NEXMIF: variants seen among roughly 807,000 people sequenced by gnomAD.
NEXMIF encodes the protein neurite extension and migration factor.
Under a neutral mutation model 62.1 loss-of-function variants are expected in NEXMIF, and 8 were observed. That is an observed-to-expected ratio of 0.13 (90% confidence interval 0.08 to 0.23). The LOEUF (loss-of-function observed/expected upper bound fraction) is 0.23. NEXMIF is among the 10% of genes least tolerant of loss of function. NEXMIF has a pLI of 1.00. For missense variants in NEXMIF, 976 were observed against 1,113.3 expected (o/e 0.88, Z 1.75); for synonymous variants, 404 against 416.6 (o/e 0.97, Z 0.37).
chrX:74,814,851 C>A (rs1399195527), intron 1 of NEXMIF, among the ~76,000 whole-genome samples: 1 of 111,911 alleles, frequency 8.9e-6, no homozygotes, highest in Non-Finnish European at 1.9e-5. Flanking sequence ...ACAAAGTAGG[C>A]TGAGCTCTGG....
At chrX:74,909,314 G>T (rs764918121) in intron 1 of NEXMIF, among the ~76,000 whole-genome samples, 1 of 111,833 alleles carries the variant, frequency 8.9e-6, no homozygotes, top group South Asian at 3.8e-4. Flanking sequence ...ATGGAGATGA[G>T]GAACTTGTTA....
At chrX:74,923,471 T>C (rs2080833596) in intron 1 of NEXMIF, among the ~76,000 whole-genome samples, 1 of 112,272 alleles carries the variant, frequency 8.9e-6, no homozygotes. Context: ...TGACAGTTAC[T>C]TAGGACTTTT....
intron 1 of NEXMIF, chrX:74,769,579 C>A: frequency 4.4e-6 from 2 of 453,396 alleles, no homozygotes; most frequent in Admixed American, 3.2e-5. Flanking sequence ...AGAAACCGAC[C>A]AATTTTGTAA....
At chrX:74,748,195 A>G (rs2080131687) in intron 1 of NEXMIF, among the ~76,000 whole-genome samples, 1 of 111,906 alleles carries the variant, frequency 8.9e-6, no homozygotes, top group African/African-American at 3.2e-5. Flanking sequence ...GTTCTATTAG[A>G]GTCTATAACT....
At chrX:74,848,488 C>T (rs1240693481) in intron 1 of NEXMIF, among the ~76,000 whole-genome samples, 2 of 112,436 alleles carry the variant, frequency 1.8e-5, no homozygotes, top group African/African-American at 6.5e-5. Context: ...GGTCTGTACC[C>T]TCCTCTGGAG....
At chrX:74,861,130 C>A (rs1376984531) in intron 1 of NEXMIF, among the ~76,000 whole-genome samples, 1 of 111,494 alleles carries the variant, frequency 9.0e-6, no homozygotes, top group African/African-American at 3.3e-5. Flanking sequence ...ACCAGAATAA[C>A]CAGTTTAAAG....
intron 1 of NEXMIF, among the ~76,000 whole-genome samples, chrX:74,856,864 G>C (rs1250996137): frequency 9.0e-6 from 1 of 110,529 alleles, no homozygotes; most frequent in Non-Finnish European, 1.9e-5. Flanking sequence ...AGGAGAAGGA[G>C]AATGAAGCAA....
At chrX:74,885,362 GT>G (rs2080687261) in intron 1 of NEXMIF, among the ~76,000 whole-genome samples, 1 of 111,504 alleles carries the variant, frequency 9.0e-6, no homozygotes, top group Non-Finnish European at 1.9e-5. Flanking sequence ...CCTGGAGCTG[GT>G]TTTTTGAAAA....
intron 1 of NEXMIF, among the ~76,000 whole-genome samples, chrX:74,816,542 T>C (rs929219116): frequency 1.8e-5 from 2 of 112,171 alleles, no homozygotes; most frequent in African/African-American, 6.5e-5. Context: ...TTATTCTATT[T>C]AGAATGAAAA....
rs1487083158 is a variant in NEXMIF at position 74,737,731 on chromosome X, G to A, written c.*1674C>T. On this transcript the variant is annotated 3_prime_UTR_variant, in exon 4 of 4. Transcript: ENST00000055682. The stretch of plus-strand genomic sequence containing the variant: ...TTTGTGAATACATTTAGGTGGCATT[G>A]ACTAGGTAGGTTCATATTTTGCTTA... 3.6e-5 allele frequency: 4 copies of A among 111,352 alleles called. No individual in the cohort carries two copies. Among genetic ancestry groups the A allele is most frequent in the African/African-American group, 1.3e-4 (4 of 30,512 alleles). 9.2% of individuals were successfully genotyped at this position (111,352 alleles called of 1,213,427 possible). A position where few individuals can be genotyped will look rare whatever the true frequency, so the allele number is the denominator to read the frequency against.
chrX:74,892,318 T>C (rs1197909925), intron 1 of NEXMIF, among the ~76,000 whole-genome samples: 1 of 112,258 alleles, frequency 8.9e-6, no homozygotes, highest in Non-Finnish European at 1.9e-5. Flanking sequence ...GTTACAGGGC[T>C]TCCAAGACTT....
intron 1 of NEXMIF, among the ~76,000 whole-genome samples, chrX:74,781,009 T>C (rs756774691): frequency 8.9e-6 from 1 of 111,765 alleles, no homozygotes; most frequent in South Asian, 3.8e-4. Context: ...GGTACATAAA[T>C]GTGTGAGAAT....
intron 1 of NEXMIF, among the ~76,000 whole-genome samples, chrX:74,809,889 G>C (rs1035709952): frequency 9.0e-6 from 1 of 111,491 alleles, no homozygotes; most frequent in African/African-American, 3.3e-5. Flanking sequence ...GCATGCAAAG[G>C]AGCAGAAATA....
chrX:74,749,824 C>T (rs758544768), intron 1 of NEXMIF, among the ~76,000 whole-genome samples: 13 of 111,640 alleles, frequency 1.2e-4, no homozygotes, highest in Non-Finnish European at 2.3e-4. Context: ...GCACCAACAC[C>T]CCCAACTCCA....
intron 1 of NEXMIF, among the ~76,000 whole-genome samples, chrX:74,823,169 A>T (rs1344193180): frequency 8.9e-6 from 1 of 111,940 alleles, no homozygotes; most frequent in African/African-American, 3.2e-5. Context: ...ACAGAAAGTA[A>T]ATTAGTGGTT....
chrX:74,896,015 G>A (rs1471520155), intron 1 of NEXMIF, among the ~76,000 whole-genome samples: 1 of 111,034 alleles, frequency 9.0e-6, no homozygotes, highest in African/African-American at 3.3e-5. Context: ...AAAGTACCTA[G>A]GTTCAAATAA....
rs775322324 is a variant in NEXMIF, at chrX:74,770,078, T to G, written c.-47-24381A>C. 2.7e-5 allele frequency among the ~76,000 whole-genome samples: 3 copies of G among 112,073 alleles called. No homozygotes were observed. The South Asian group carries it at 1.1e-3, about 42-fold the overall frequency. ...CGTTCATAAACCCCTCTTCATTTAG[T>G]GTGTGTATCTGTCCTGACTTGAAAT... On this transcript the variant is annotated intron_variant, in intron 1 of 3. Coordinates refer to ENST00000055682, the MANE Select transcript of NEXMIF (RefSeq NM_001008537.3).
chrX:74,841,198 C>T (rs2080472771), intron 1 of NEXMIF, among the ~76,000 whole-genome samples: 1 of 110,773 alleles, frequency 9.0e-6, no homozygotes, highest in Admixed American at 9.6e-5. Flanking sequence ...TTTCACCTCC[C>T]TGGATAGCTG....
At chrX:74,772,734 C>G (rs764504317) in intron 1 of NEXMIF, among the ~76,000 whole-genome samples, 10 of 112,331 alleles carry the variant, frequency 8.9e-5, no homozygotes, top group Middle Eastern at 4.6e-3. Flanking sequence ...GGAAGCAGGA[C>G]CTTCTGAAAA....
Sources: gnomAD v4.1 joint callset for allele counts (sites outside exome capture counted in the v4.1 genomes callset) on GRCh38, gnomAD v4.1.1 for gene constraint, MANE v1.5 for transcripts, NCBI Gene and HGNC (gene_info 2026-07-23, HGNC 2026-07-21) for gene names.